The following CDH13 variants were observed in gnomAD, a reference collection of about 807,000 sequenced individuals.
CDH13 encodes the protein cadherin 13.
A neutral mutation model predicts 63.8 loss-of-function variants in CDH13; 24 were observed. That is an observed-to-expected ratio of 0.38 (90% CI 0.27 to 0.53). The LOEUF (loss-of-function observed/expected upper bound fraction) is 0.53. Ranked by LOEUF, CDH13 falls within the 20% of genes least tolerant of loss-of-function variation. CDH13 has a pLI of 0.85. For missense variants in CDH13, 1,049 were observed against 903.1 expected (o/e 1.16, Z -2.07); for synonymous variants, 503 against 355.3 (o/e 1.42, Z -4.67).
At chr16:82,639,907 C>G (rs1195002088) in intron 1 of CDH13, among the ~76,000 whole-genome samples, 1 of 152,238 alleles carries the variant, frequency 6.6e-6, no homozygotes, top group African/African-American at 2.4e-5. Flanking sequence ...GTCCCGCCAC[C>G]TGGTGGCCGT....
At chr16:82,845,795 C>T (rs943824441) in intron 1 of CDH13, among the ~76,000 whole-genome samples, 7 of 152,234 alleles carry the variant, frequency 4.6e-5, no homozygotes, top group Middle Eastern at 6.8e-3. Context: ...ATGCAAATAC[C>T]ACCAACCCTG....
intron 2 of CDH13, among the ~76,000 whole-genome samples, chr16:82,961,833 T>C (rs576959276): frequency 1.4e-4 from 21 of 152,268 alleles, no homozygotes; most frequent in African/African-American, 4.8e-4. Context: ...ACCGTTGGGA[T>C]GGGGGCTGCC....
At chr16:83,437,929 T>G (rs1279360660) in intron 6 of CDH13, among the ~76,000 whole-genome samples, 1 of 152,108 alleles carries the variant, frequency 6.6e-6, no homozygotes, top group Non-Finnish European at 1.5e-5. Context: ...TCCTTCTGCT[T>G]CCTCAAGATC....
intron 6 of CDH13, among the ~76,000 whole-genome samples, chr16:83,449,062 G>C (rs772754425): frequency 6.6e-6 from 1 of 152,230 alleles, no homozygotes; most frequent in Non-Finnish European, 1.5e-5. Flanking sequence ...CTCGAGAATA[G>C]ATCAAGGGCA....
chr16:82,993,701 C>T (rs1460355474), intron 2 of CDH13, among the ~76,000 whole-genome samples: 2 of 152,104 alleles, frequency 1.3e-5, no homozygotes, highest in Non-Finnish European at 2.9e-5. Context: ...CGTGTTACAC[C>T]TCTGGGGAAG....
intron 10 of CDH13, among the ~76,000 whole-genome samples, chr16:83,687,112 C>T (rs1227783500): frequency 6.6e-6 from 1 of 152,046 alleles, no homozygotes; most frequent in Non-Finnish European, 1.5e-5. Flanking sequence ...ACTAGGGAGG[C>T]TGAGGCAGGA....
At chr16:83,151,580 G>C (rs1204561970) in intron 4 of CDH13, among the ~76,000 whole-genome samples, 1 of 152,192 alleles carries the variant, frequency 6.6e-6, no homozygotes, top group Admixed American at 6.5e-5. Context: ...TATTTGCTAA[G>C]AGGTGTTGAT....
intron 12 of CDH13, among the ~76,000 whole-genome samples, chr16:83,780,598 A>G (rs893322188): frequency 6.6e-6 from 1 of 152,204 alleles, no homozygotes; most frequent in African/African-American, 2.4e-5. Flanking sequence ...GGCTTTTACT[A>G]TCCCCATCAC....
intron 2 of CDH13, among the ~76,000 whole-genome samples, chr16:83,009,119 G>T (rs2151433799): frequency 6.6e-6 from 1 of 152,328 alleles, no homozygotes; most frequent in East Asian, 1.9e-4. Flanking sequence ...TATAATTCAA[G>T]ATGAAATATG....
chr16:82,928,843 C>G (rs12929760), intron 2 of CDH13, among the ~76,000 whole-genome samples: 24,910 of 152,194 alleles, frequency 0.16, 3,700 homozygotes, highest in East Asian at 0.64. Context: ...CTGAGATGAA[C>G]TGAAAACACT....
At chr16:83,538,872 T>TA (rs919890370) in intron 7 of CDH13, among the ~76,000 whole-genome samples, 11 of 152,138 alleles carry the variant, frequency 7.2e-5, no homozygotes, top group African/African-American at 9.7e-5. Flanking sequence ...TAAAATTTTG[T>TA]AAAAAAATAT....
chr16:83,248,661 G>A (rs1567537456), intron 5 of CDH13, among the ~76,000 whole-genome samples: 1 of 152,078 alleles, frequency 6.6e-6, no homozygotes, highest in Non-Finnish European at 1.5e-5. Context: ...TCTCCTTCAT[G>A]TACTTCTCTT....
At chr16:82,659,997 T>C (rs1039416777) in intron 1 of CDH13, among the ~76,000 whole-genome samples, 2 of 152,228 alleles carry the variant, frequency 1.3e-5, no homozygotes, top group Non-Finnish European at 2.9e-5. Flanking sequence ...ACTTAAGAAG[T>C]TGAGGCATAT....
intron 6 of CDH13, among the ~76,000 whole-genome samples, chr16:83,348,409 G>A (rs376664343): frequency 6.6e-6 from 1 of 152,196 alleles, no homozygotes; most frequent in African/African-American, 2.4e-5. Context: ...AAGTGTTGAG[G>A]CCTTTGTCAC....
chr16:82,715,586 A>G (rs1853640865), intron 1 of CDH13, among the ~76,000 whole-genome samples: 1 of 152,140 alleles, frequency 6.6e-6, no homozygotes, highest in African/African-American at 2.4e-5. Context: ...AATTGTTGAT[A>G]GGGTAGCCAA....
chr16:82,816,473 T>G (rs1221465088), intron 1 of CDH13, among the ~76,000 whole-genome samples: 1 of 151,810 alleles, frequency 6.6e-6, no homozygotes, highest in East Asian at 1.9e-4. Flanking sequence ...GAGGATAGAG[T>G]TGGGGAGGAA....
chr16:83,251,328 A>G (rs1421525301), intron 5 of CDH13, among the ~76,000 whole-genome samples: 2 of 152,210 alleles, frequency 1.3e-5, no homozygotes, highest in African/African-American at 4.8e-5. Context: ...CATGTTAAGT[A>G]TTTTACATGA....
intron 5 of CDH13, among the ~76,000 whole-genome samples, chr16:83,234,189 C>T (rs1201716933): frequency 6.6e-6 from 1 of 152,198 alleles, no homozygotes; most frequent in Non-Finnish European, 1.5e-5. Context: ...GATAGGTTTT[C>T]TTTCCAGAGT....
chr16:83,788,571 A>G (rs1393096358), intron 13 of CDH13, among the ~76,000 whole-genome samples: 1 of 152,068 alleles, frequency 6.6e-6, no homozygotes, highest in Non-Finnish European at 1.5e-5. Flanking sequence ...ACAGATGACA[A>G]TCATCAGCAG....
Sources: gnomAD v4.1 joint callset for allele counts (sites outside exome capture counted in the v4.1 genomes callset) on GRCh38, gnomAD v4.1.1 for gene constraint, MANE v1.5 for transcripts, NCBI Gene and HGNC (gene_info 2026-07-23, HGNC 2026-07-21) for gene names.